USP31: variants seen among roughly 807,000 people sequenced by gnomAD.
USP31 encodes the protein ubiquitin specific peptidase 31.
In USP31, 44 loss-of-function variants were observed where a neutral mutation model predicts 119.4. The ratio of observed to expected loss-of-function variants is 0.37; its 90% CI spans 0.29 to 0.47. USP31 has a LOEUF of 0.47. USP31 is among the 20% of genes least tolerant of loss of function. USP31 has a pLI of 0.99. For synonymous variants in USP31, 749 were observed against 705.6 expected, an observed-to-expected ratio of 1.06 and a Z score of -0.97; for missense variants, 1,643 against 1,730.2, an observed-to-expected ratio of 0.95 and a Z score of 0.89.
chr16:23,124,187 C>T (rs1383713349), intron 1 of USP31, among the ~76,000 whole-genome samples: 1 of 152,074 alleles, frequency 6.6e-6, no homozygotes, highest in African/African-American at 2.4e-5. Context: ...CCACTAGCCC[C>T]AAAAGAAACC....
At position 23,109,307 on chromosome 16, in the gene USP31, G is replaced by A. The variant is rs1042859618; in HGVS notation, c.634-1124C>T. 4.6e-5 allele frequency among the ~76,000 whole-genome samples: 7 copies of A among 152,098 alleles called. No homozygotes were observed. The South Asian group carries it at 6.2e-4, about 14-fold the overall frequency. On this transcript the variant is annotated intron_variant, in intron 1 of 15. Coordinates refer to ENST00000219689, the MANE Select transcript of USP31 (RefSeq NM_020718.4). ...GGCTCCTTGGAGAAATGGCCCTTTCGAGGACACTGGGACACGGGACATGTC... is the reference window on the plus strand; with the variant it reads ...GGCTCCTTGGAGAAATGGCCCTTTCAAGGACACTGGGACACGGGACATGTC...
chr16:23,121,521 T>C (rs1427580001), intron 1 of USP31, among the ~76,000 whole-genome samples: 2 of 152,214 alleles, frequency 1.3e-5, no homozygotes, highest in East Asian at 1.9e-4. Context: ...GCCTGTCTTA[T>C]GTGGATGCTA....
intron 14 of USP31, among the ~76,000 whole-genome samples, chr16:23,072,798 G>A (rs942470080): frequency 1.3e-5 from 2 of 152,148 alleles, no homozygotes; most frequent in Non-Finnish European, 2.9e-5. Context: ...GTCTCAAGTA[G>A]ACCTCAAGAA....
chr16:23,127,991 T>C (rs1247313783), intron 1 of USP31, among the ~76,000 whole-genome samples: 1 of 152,196 alleles, frequency 6.6e-6, no homozygotes, highest in Non-Finnish European at 1.5e-5. Flanking sequence ...AGGAGCATAC[T>C]GTGGGATAAG....
chr16:23,071,434 T>A (rs1596681907), intron 15 of USP31, among the ~76,000 whole-genome samples: 1 of 148,202 alleles, frequency 6.7e-6, no homozygotes, highest in Non-Finnish European at 1.5e-5. Flanking sequence ...CTAAGGTCTA[T>A]CCTGCCATTA....
At chr16:23,074,900 T>C (rs1274509577) in intron 13 of USP31, among the ~76,000 whole-genome samples, 1 of 152,176 alleles carries the variant, frequency 6.6e-6, no homozygotes, top group Non-Finnish European at 1.5e-5. Flanking sequence ...ATGCATTTAT[T>C]TGGGGTGAGA....
chr16:23,108,945 A>C (rs1902215053), intron 1 of USP31, among the ~76,000 whole-genome samples: 1 of 152,224 alleles, frequency 6.6e-6, no homozygotes. Flanking sequence ...TAAGTGTCTA[A>C]GATACTAACA....
chr16:23,111,666 A>G (rs1333911162), intron 1 of USP31, among the ~76,000 whole-genome samples: 1 of 152,066 alleles, frequency 6.6e-6, no homozygotes, highest in African/African-American at 2.4e-5. Flanking sequence ...GACATCATCT[A>G]TGAGAGACTG....
chr16:23,141,809 G>A (rs1026959842), intron 1 of USP31, among the ~76,000 whole-genome samples: 11 of 152,156 alleles, frequency 7.2e-5, no homozygotes, highest in African/African-American at 2.7e-4. Flanking sequence ...ATATCACTTT[G>A]TTTTCCACTA....
intron 1 of USP31, among the ~76,000 whole-genome samples, chr16:23,129,473 G>GAT (rs1294525571): frequency 2.0e-5 from 3 of 152,136 alleles, no homozygotes. Flanking sequence ...ATCTTTTAGA[G>GAT]ATATATACTT....
At chr16:23,093,379 T>C (rs528178696) in intron 6 of USP31, among the ~76,000 whole-genome samples, 7 of 152,306 alleles carry the variant, frequency 4.6e-5, no homozygotes, top group South Asian at 2.1e-4. Flanking sequence ...AAGGCTTGAA[T>C]AGACATTTCT....
chr16:23,095,088 A>T (rs944606389), intron 6 of USP31, among the ~76,000 whole-genome samples: 2 of 152,154 alleles, frequency 1.3e-5, no homozygotes, highest in Admixed American at 6.5e-5. Context: ...AAGGAAGCTA[A>T]AAACCTTGAA....
At chr16:23,139,967 A>T (rs1346024176) in intron 1 of USP31, among the ~76,000 whole-genome samples, 1 of 152,054 alleles carries the variant, frequency 6.6e-6, no homozygotes, top group African/African-American at 2.4e-5. Context: ...ATAATGTCCA[A>T]TGTCCTCCAA....
intron 11 of USP31, among the ~76,000 whole-genome samples, chr16:23,083,268 C>A (rs1174638864): frequency 1.3e-5 from 2 of 152,302 alleles, no homozygotes; most frequent in East Asian, 3.9e-4. Context: ...GCCATACTGG[C>A]TTCATTTCTG....
intron 5 of USP31, 146 bp downstream of exon 5, chr16:23,105,295 C>G: frequency 1.0e-6 from 1 of 956,482 alleles, no homozygotes; most frequent in Non-Finnish European, 1.4e-6. Context: ...GTCTTTGGGG[C>G]CTTGATTTTT....
At chr16:23,146,240 G>A (rs2141907966) in intron 1 of USP31, among the ~76,000 whole-genome samples, 1 of 133,558 alleles carries the variant, frequency 7.5e-6, no homozygotes, top group Middle Eastern at 4.0e-3. Flanking sequence ...AGTGTGGGGT[G>A]GGGGGCGGGG....
rs114150447 is a variant in USP31, at chr16:23,079,956, C to T, written c.2166G>A (p.Gly722=). The part of the protein sequence containing the change: ...VCNHHGTMQG[G]HYTAYCKNSV... ...TCTCACACTGCAGACCTGTGTAGTG[C>T]CCCCCTTGCATGGTGCCATGGTGAT... Residue 722 remains glycine, a synonymous_variant, in exon 13 of 16, where the codon GGG becomes GGA. Coordinates refer to ENST00000219689, the MANE Select transcript of USP31 (RefSeq NM_020718.4). The T allele has an allele frequency of 1.9e-6, 3 of 1,610,300 alleles. No homozygotes were observed. The highest frequency in any genetic ancestry group is 2.5e-6 in the Non-Finnish European group (3 of 1,178,266).
intron 1 of USP31, among the ~76,000 whole-genome samples, chr16:23,143,076 T>C (rs1362703025): frequency 6.6e-6 from 1 of 152,204 alleles, no homozygotes; most frequent in Non-Finnish European, 1.5e-5. Flanking sequence ...TACAAGTTTA[T>C]TCCTTTTGTG....
At chr16:23,130,353 A>G (rs1306251830) in intron 1 of USP31, among the ~76,000 whole-genome samples, 1 of 152,200 alleles carries the variant, frequency 6.6e-6, no homozygotes. Flanking sequence ...TGGGAGGCCA[A>G]GATGGGAGTA....
Sources: allele counts gnomAD v4.1 joint callset (sites outside exome capture counted in the v4.1 genomes callset), GRCh38; gene constraint gnomAD v4.1.1; transcripts MANE v1.5; gene names NCBI Gene and HGNC (gene_info 2026-07-23, HGNC 2026-07-21).